The following PODXL2 variants were observed in gnomAD, a reference collection of about 807,000 sequenced individuals.
The protein encoded by PODXL2 is podocalyxin like 2, also known as podocalyxin-like protein 2.
Under a neutral mutation model 53.4 loss-of-function variants are expected in PODXL2, and 17 were observed. The observed-to-expected ratio is 0.32, with a 90% confidence interval of 0.22 to 0.48. The LOEUF (loss-of-function observed/expected upper bound fraction) is 0.48. Among genes scored for constraint, PODXL2 ranks in the 20% least tolerant of loss-of-function variants. PODXL2 has a pLI of 0.99. For missense variants in PODXL2, 673 were observed against 760.0 expected (o/e 0.89, Z 1.35); for synonymous variants, 311 against 306.7 (o/e 1.01, Z -0.15).
chr3:127,638,828 T>G (rs2074595377), intron 1 of PODXL2, among the ~76,000 whole-genome samples: 1 of 152,256 alleles, frequency 6.6e-6, no homozygotes, highest in Non-Finnish European at 1.5e-5. Context: ...GATGGAAGCC[T>G]GGGGAACACT....
At chr3:127,659,456 A>C (rs991629512) in intron 2 of PODXL2, among the ~76,000 whole-genome samples, 1 of 152,240 alleles carries the variant, frequency 6.6e-6, no homozygotes. Flanking sequence ...GCTATCTTAA[A>C]GTGTTCCCAC....
rs1310031450 is a variant in PODXL2, at chr3:127,671,500, T to C, written c.1492T>C (p.Tyr498His). Residue 498 changes from tyrosine (Y) to histidine (H), a missense_variant, in exon 7 of 8, where the codon TAC (tyrosine) becomes CAC (histidine). Coordinates refer to ENST00000342480, the MANE Select transcript of PODXL2 (RefSeq NM_015720.4). ...GCGGGCCAGCCAGGTGCGCAGCGAC[T>C]ACGGCACGCTCTTCGTGGTGCTGGT... The part of the protein sequence containing the change: ...QARASQVRSD[Y>H]GTLFVVLVVI... 1 of 1,614,052 alleles carries C rather than the reference T, an allele frequency of 6.2e-7. No homozygotes were observed. Among genetic ancestry groups the C allele is most frequent in the East Asian group, 2.2e-5 (1 of 44,886 alleles).
At chr3:127,658,337 T>C (rs2074738433) in intron 2 of PODXL2, among the ~76,000 whole-genome samples, 1 of 152,072 alleles carries the variant, frequency 6.6e-6, no homozygotes, top group African/African-American at 2.4e-5. Flanking sequence ...CTTTCCAGGC[T>C]TACTGCACAG....
chr3:127,641,519 T>G (rs181002625), intron 2 of PODXL2, among the ~76,000 whole-genome samples: 300 of 151,326 alleles, frequency 2.0e-3, no homozygotes, highest in African/African-American at 5.5e-3. Flanking sequence ...TATAACTTGA[T>G]TTTTTTTTCT....
At chr3:127,638,153 G>A (rs2074590095) in intron 1 of PODXL2, among the ~76,000 whole-genome samples, 1 of 152,156 alleles carries the variant, frequency 6.6e-6, no homozygotes, top group African/African-American at 2.4e-5. Flanking sequence ...AGCTTTCCAG[G>A]AGCCTCACAG....
intron 2 of PODXL2, 62 bp downstream of exon 2, chr3:127,639,585 A>G: frequency 6.9e-7 from 1 of 1,449,756 alleles, no homozygotes. Flanking sequence ...GCAAAACACC[A>G]GGTGACCATT....
intron 4 of PODXL2, chr3:127,665,910 T>C: frequency 2.2e-6 from 1 of 462,888 alleles, no homozygotes; most frequent in Non-Finnish European, 4.3e-6. Context: ...CTGCTTCCTT[T>C]TAATGAGGAA....
rs1157257945 is a variant in PODXL2 at position 127,629,432 on chromosome 3, C to T, written c.70+143C>T. 1.6e-6 allele frequency: 1 copy of T among 626,080 alleles called. No individual in the cohort carries two copies. The highest frequency in any genetic ancestry group is 2.0e-6 in the Non-Finnish European group (1 of 501,998). The allele number at this position is 626,080 out of a possible 1,614,324, so 38.8% of individuals were successfully genotyped here. A position where few individuals can be genotyped will look rare whatever the true frequency, so the allele number is the denominator to read the frequency against. On this transcript the variant is annotated intron_variant, in intron 1 of 7. Transcript: ENST00000342480. This position sits in a 1 kb window ranked among gnomAD's most constrained non-coding sequence, Gnocchi z 6.4. ...GTCCCGGCCGGGCCGCGGCGCCGCCCCGACACACGCGCACGAGGAGTGGGT... is the reference window on the plus strand; with the variant it reads ...GTCCCGGCCGGGCCGCGGCGCCGCCTCGACACACGCGCACGAGGAGTGGGT...
intron 2 of PODXL2, among the ~76,000 whole-genome samples, chr3:127,651,676 AC>A (rs1318874463): frequency 3.3e-5 from 5 of 152,158 alleles, no homozygotes; most frequent in Non-Finnish European, 5.9e-5. Context: ...CCGTGTTAGG[AC>A]CCTGACCCTA....
chr3:127,632,242 C>T (rs1216926854), intron 1 of PODXL2, among the ~76,000 whole-genome samples: 2 of 152,232 alleles, frequency 1.3e-5, no homozygotes, highest in Non-Finnish European at 2.9e-5. Context: ...TCCGAGGAGC[C>T]AGAGTAGGGT....
At chr3:127,642,395 T>C (rs1486908228) in intron 2 of PODXL2, among the ~76,000 whole-genome samples, 5 of 151,550 alleles carry the variant, frequency 3.3e-5, no homozygotes, top group Non-Finnish European at 7.4e-5. Flanking sequence ...AAGCAGCAGA[T>C]TTATGAAGGT....
intron 2 of PODXL2, among the ~76,000 whole-genome samples, chr3:127,640,420 G>C (rs2074608517): frequency 6.6e-6 from 1 of 152,118 alleles, no homozygotes; most frequent in African/African-American, 2.4e-5. Flanking sequence ...AGAAAATAAG[G>C]CTGGGTGTGG....
At chr3:127,652,112 T>G (rs2074693077) in intron 2 of PODXL2, among the ~76,000 whole-genome samples, 1 of 152,242 alleles carries the variant, frequency 6.6e-6, no homozygotes, top group African/African-American at 2.4e-5. Context: ...CAAAAGACAC[T>G]GGCTTTAACC....
chr3:127,671,094 C>T (rs1421550338), intron 6 of PODXL2, among the ~76,000 whole-genome samples: 2 of 152,156 alleles, frequency 1.3e-5, no homozygotes, highest in Admixed American at 1.3e-4. Flanking sequence ...GGTGTGGGCA[C>T]TCTCTCTAGT....
At chr3:127,634,185 G>A (rs1156758115) in intron 1 of PODXL2, among the ~76,000 whole-genome samples, 6 of 152,128 alleles carry the variant, frequency 3.9e-5, no homozygotes, top group African/African-American at 7.2e-5. Context: ...CAGCACTCTC[G>A]GAGGCCAAGG....
chr3:127,634,360 G>A (rs1031261946), intron 1 of PODXL2, among the ~76,000 whole-genome samples: 2 of 151,830 alleles, frequency 1.3e-5, no homozygotes, highest in Admixed American at 6.6e-5. Context: ...GGGAGGCGAA[G>A]GTTGCAGTGA....
At chr3:127,661,275 C>A (rs1048017951) in intron 3 of PODXL2, 116 bp downstream of exon 3, 12 of 731,944 alleles carry the variant, frequency 1.6e-5, no homozygotes, top group Non-Finnish European at 2.7e-5. Context: ...GAGGCCCTTT[C>A]CACAGCACGT....
At chr3:127,666,078 C>T in intron 4 of PODXL2, 1 of 250,742 alleles carries the variant, frequency 4.0e-6, no homozygotes, top group South Asian at 3.8e-5. Context: ...TGCATGTACA[C>T]ATATTAAAAG....
At chr3:127,665,894 G>C (rs1487815526) in intron 4 of PODXL2, 1 of 453,768 alleles carries the variant, frequency 2.2e-6, no homozygotes, top group Non-Finnish European at 4.4e-6. Flanking sequence ...ATTTCTGCAA[G>C]GAGTCCTGCT....
Sources: gnomAD v4.1 joint callset for allele counts (sites outside exome capture counted in the v4.1 genomes callset) on GRCh38, gnomAD v4.1.1 for gene constraint, Gnocchi (gnomAD v3.1) non-coding constraint, MANE v1.5 for transcripts, NCBI Gene and HGNC (gene_info 2026-07-23, HGNC 2026-07-21) for gene names.